IL12RB2: variants seen among roughly 807,000 people sequenced by gnomAD.
IL12RB2 encodes interleukin-12 receptor subunit beta-2.
IL12RB2 carries 82 observed loss-of-function variants against 89.4 expected under a neutral mutation model. The observed-to-expected ratio is 0.92, with a 90% CI of 0.77 to 1.10. The LOEUF is 1.10. IL12RB2 is among the 50% of genes least tolerant of loss of function. The pLI is 0.00. For synonymous variants in IL12RB2, 368 were observed against 370.1 expected (o/e 0.99, Z 0.07); for missense variants, 963 against 1,031.9 (o/e 0.93, Z 0.92).
chr1:67,384,171 C>T (rs1336933297), intron 14 of IL12RB2, among the ~76,000 whole-genome samples: 2 of 152,164 alleles, frequency 1.3e-5, no homozygotes, highest in African/African-American at 2.4e-5. Flanking sequence ...CATAAGGGCT[C>T]CGCCCCTGCA....
intron 4 of IL12RB2, among the ~76,000 whole-genome samples, chr1:67,322,796 C>T (rs1656749922): frequency 6.6e-6 from 1 of 152,242 alleles, no homozygotes; most frequent in African/African-American, 2.4e-5. Flanking sequence ...ACTAAAGTGT[C>T]AGAGTTGACA....
chr1:67,342,621 G>A (rs1363346989), intron 9 of IL12RB2, among the ~76,000 whole-genome samples: 1 of 152,048 alleles, frequency 6.6e-6, no homozygotes, highest in Non-Finnish European at 1.5e-5. Context: ...GGGTGCATGT[G>A]TCAGTGTGTG....
chr1:67,364,858 T>C (rs1662502597), intron 10 of IL12RB2, among the ~76,000 whole-genome samples: 1 of 152,220 alleles, frequency 6.6e-6, no homozygotes, highest in South Asian at 2.1e-4. Context: ...ATAATACACA[T>C]TCTTCTCATG....
chr1:67,380,140 A>G lies in IL12RB2; in HGVS notation c.1855+17A>G. The G allele has an allele frequency of 1.2e-6, 2 of 1,613,840 alleles. No homozygotes were observed. The highest frequency in any genetic ancestry group is 2.2e-5 in the South Asian group (2 of 91,084). ...GTCTGCAAGGTGAGAGGCAGTGTTA[A>G]GGATGATGAGTCCACCCTGGATTCT... is the stretch of plus-strand genomic sequence containing the variant. On this transcript the variant is annotated intron_variant, in intron 14 of 16. Coordinates refer to ENST00000674203, the MANE Select transcript of IL12RB2 (RefSeq NM_001374259.2).
intron 8 of IL12RB2, among the ~76,000 whole-genome samples, chr1:67,338,322 G>A (rs1659067302): frequency 1.4e-5 from 1 of 71,102 alleles, no homozygotes; most frequent in Middle Eastern, 0.017. Flanking sequence ...AGGCAACAGA[G>A]CAAGATCCTG....
chr1:67,386,136 G>A (rs912141405), intron 14 of IL12RB2, among the ~76,000 whole-genome samples: 3 of 147,478 alleles, frequency 2.0e-5, no homozygotes, highest in Non-Finnish European at 3.0e-5. Context: ...TTGAACCCGG[G>A]AGGCGGAGAT....
chr1:67,382,647 G>A (rs549178959), intron 14 of IL12RB2, among the ~76,000 whole-genome samples: 3 of 151,054 alleles, frequency 2.0e-5, no homozygotes, highest in Admixed American at 1.3e-4. Context: ...TTTTTTTCTG[G>A]TCTGGTCTTC....
chr1:67,394,560 T>C (rs1201626003), intron 16 of IL12RB2, among the ~76,000 whole-genome samples: 2 of 152,010 alleles, frequency 1.3e-5, no homozygotes, highest in African/African-American at 4.8e-5. Context: ...AAGATGAAAA[T>C]TTCTTCTAAA....
chr1:67,390,205 A>C (rs1665655407), intron 16 of IL12RB2, 77 bp downstream of exon 16: 1 of 814,764 alleles, frequency 1.2e-6, no homozygotes, highest in Admixed American at 1.8e-5. Context: ...TGTAGTTACG[A>C]GGAAGCCTGG....
intron 16 of IL12RB2, among the ~76,000 whole-genome samples, chr1:67,393,944 A>G (rs1056181650): frequency 6.6e-6 from 1 of 152,202 alleles, no homozygotes; most frequent in African/African-American, 2.4e-5. Context: ...AAAAAAAGTG[A>G]CAGCACAAAG....
At chr1:67,315,816 A>G (rs1271021170) in intron 2 of IL12RB2, among the ~76,000 whole-genome samples, 2 of 152,246 alleles carry the variant, frequency 1.3e-5, no homozygotes, top group Non-Finnish European at 1.5e-5. Flanking sequence ...TTGACTTTCT[A>G]GTACAGGGAG....
chr1:67,396,255 G>A lies in IL12RB2; in HGVS notation c.*166G>A. ...TCTGGGGGAGTCTTAGGAACTGGGAGTTGGTCTTCACTCAGATGCCTCATC... is the reference window on the plus strand; with the variant it reads ...TCTGGGGGAGTCTTAGGAACTGGGAATTGGTCTTCACTCAGATGCCTCATC... On this transcript the variant is annotated 3_prime_UTR_variant, in exon 17 of 17. Coordinates refer to ENST00000674203, the MANE Select transcript of IL12RB2 (RefSeq NM_001374259.2). 1 of 724,794 alleles carries A rather than the reference G, an allele frequency of 1.4e-6. No homozygotes were observed. Among genetic ancestry groups the A allele is most frequent in the Non-Finnish European group, 2.5e-6 (1 of 397,834 alleles). The allele number at this position is 724,794 out of a possible 1,614,324, so 44.9% of individuals were successfully genotyped here.
rs1666437976 is a variant in IL12RB2, at chr1:67,397,569, A to AT, written c.*1481dup. Reference sequence around the variant, plus strand: ...ACAACATGGACTTGGAACATGATCCATGTTTTGCTCTTTAAAGCTGTGGCC... The same window carrying AT: ...ACAACATGGACTTGGAACATGATCCATTGTTTTGCTCTTTAAAGCTGTGGCC... On this transcript the variant is annotated 3_prime_UTR_variant, in exon 17 of 17. Coordinates refer to ENST00000674203, the MANE Select transcript of IL12RB2 (RefSeq NM_001374259.2). Among the ~76,000 whole-genome samples, 1 of 152,132 alleles carries AT rather than the reference A, an allele frequency of 6.6e-6. No homozygotes were observed.
chr1:67,367,098 G>T (rs1333618973), intron 10 of IL12RB2, among the ~76,000 whole-genome samples: 1 of 152,038 alleles, frequency 6.6e-6, no homozygotes, highest in Non-Finnish European at 1.5e-5. Context: ...TATAGAAATG[G>T]AAAAAGGAAT....
In IL12RB2 at chr1:67,372,484, CAG is replaced by C. The variant is rs1421920374; in HGVS notation, c.1509_1510del (p.Asp505SerfsTer10). 1 of 1,605,474 alleles carries C rather than the reference CAG, an allele frequency of 6.2e-7. No individual in the cohort carries two copies. Among genetic ancestry groups the C allele is most frequent in the Non-Finnish European group, 8.5e-7 (1 of 1,172,084 alleles). ...TATGAAATCCGTGTGTATGCACTCT[CAG>C]GGGATCAAGGAGGATGCAGCTCCAT... On this transcript the variant is annotated frameshift_variant, in exon 12 of 17. Transcript: ENST00000674203. LOFTEE classifies it high-confidence loss of function.
intron 14 of IL12RB2, among the ~76,000 whole-genome samples, chr1:67,385,622 T>C (rs943852647): frequency 6.6e-6 from 1 of 152,232 alleles, no homozygotes; most frequent in Non-Finnish European, 1.5e-5. Context: ...ACAGAGCCTG[T>C]TACCTGGTTA....
At chr1:67,331,774 G>T (rs1035794293) in intron 8 of IL12RB2, among the ~76,000 whole-genome samples, 2 of 152,112 alleles carry the variant, frequency 1.3e-5, no homozygotes, top group Admixed American at 6.5e-5. Flanking sequence ...AGGAGGCAAA[G>T]GTTGCAATGA....
intron 8 of IL12RB2, among the ~76,000 whole-genome samples, chr1:67,331,190 A>G (rs1009086264): frequency 6.6e-6 from 1 of 152,218 alleles, no homozygotes; most frequent in African/African-American, 2.4e-5. Context: ...ATGAAAAGTA[A>G]TGTGGCTCAA....
intron 13 of IL12RB2, among the ~76,000 whole-genome samples, chr1:67,374,643 T>A (rs1663752221): frequency 6.6e-6 from 1 of 151,988 alleles, no homozygotes; most frequent in Admixed American, 6.6e-5. Context: ...GCCCTGCTAA[T>A]TTTTGTATTT....
Sources: allele counts gnomAD v4.1 joint callset (sites outside exome capture counted in the v4.1 genomes callset), GRCh38; gene constraint gnomAD v4.1.1; transcripts MANE v1.5; gene names NCBI Gene and HGNC (gene_info 2026-07-23, HGNC 2026-07-21).